The following KAZN variants were observed in gnomAD, a reference collection of about 807,000 sequenced individuals.
KAZN encodes kazrin, periplakin interacting protein.
KAZN carries 40 observed loss-of-function variants against 87.4 expected under a neutral mutation model. That is an observed-to-expected ratio of 0.46 (90% CI 0.36 to 0.60). KAZN has a LOEUF of 0.60. Among genes scored for constraint, KAZN ranks in the 20% least tolerant of loss-of-function variants. KAZN has a pLI of 0.00. For missense variants in KAZN, 898 were observed against 1,073.9 expected (o/e 0.84, Z 2.29); for synonymous variants, 466 against 458.3 (o/e 1.02, Z -0.22).
chr1:15,043,833 C>T (rs916838271), intron 3 of KAZN, among the ~76,000 whole-genome samples, 156 bp from the exon 4 acceptor site: 1 of 151,776 alleles, frequency 6.6e-6, no homozygotes, highest in East Asian at 1.9e-4. Context: ...TTAGTAGAGA[C>T]GGGGTTTCAC....
chr1:14,859,646 G>A (rs567964560), intron 1 of KAZN, among the ~76,000 whole-genome samples: 3 of 152,098 alleles, frequency 2.0e-5, no homozygotes, highest in Non-Finnish European at 4.4e-5. Context: ...GGTATTTTAA[G>A]GCCATCAGGA....
chr1:14,051,041 C>T (rs997306600), intron 1 of KAZN, among the ~76,000 whole-genome samples: 1 of 152,034 alleles, frequency 6.6e-6, no homozygotes, highest in Admixed American at 6.5e-5. Context: ...GAGGCTTCAG[C>T]AAAACTGAAC....
intron 1 of KAZN, among the ~76,000 whole-genome samples, chr1:14,760,297 C>G (rs950384870): frequency 2.6e-5 from 4 of 152,192 alleles, no homozygotes; most frequent in African/African-American, 9.7e-5. Flanking sequence ...ACTGGTGCTC[C>G]TTGCCAATGT....
chr1:14,572,546 G>A (rs564320522), intron 2 of KAZN, among the ~76,000 whole-genome samples: 6 of 152,338 alleles, frequency 3.9e-5, no homozygotes, highest in Non-Finnish European at 7.3e-5. Flanking sequence ...TCAGGCCTGG[G>A]AAGCAAGAGT....
Position 14,598,695 on chromosome 1 carries a change from C to T in KAZN, c.-303C>T. 1.5e-6 allele frequency: 2 copies of T among 1,308,290 alleles called. No homozygotes were observed. Among genetic ancestry groups the T allele is most frequent in the Non-Finnish European group, 9.7e-7 (1 of 1,036,172 alleles). 81.0% of individuals were successfully genotyped at this position (1,308,290 alleles called of 1,614,324 possible). On this transcript the variant is annotated 5_prime_UTR_variant, in exon 1 of 15. Coordinates refer to ENST00000376030, the MANE Select transcript of KAZN (RefSeq NM_201628.3). This position sits in a 1 kb window ranked among gnomAD's most constrained non-coding sequence, Gnocchi z 4.2. Reference sequence around the variant, plus strand: ...GTGGCGCGCGGTGTCCTTCTTGGAGCAGCTCTCGGCGCCCGCCCGCCGGGG... The same window carrying T: ...GTGGCGCGCGGTGTCCTTCTTGGAGTAGCTCTCGGCGCCCGCCCGCCGGGG...
rs140795040 is a variant in KAZN, at chr1:14,752,403, T to C, written c.226+153180T>C. Among the ~76,000 whole-genome samples the C allele has an allele frequency of 4.1e-3, 631 of 152,280 alleles. 5 individuals are homozygous for C. Among genetic ancestry groups the C allele is most frequent in the African/African-American group, 0.015 (606 of 41,564 alleles). On this transcript the variant is annotated intron_variant, in intron 1 of 14. Transcript: ENST00000376030. ...CTTGTCTAAGTGAAGGGCAGAGCTG[T>C]CTTCATCCATTTGTGCTACAAAACA...
At chr1:14,235,363 T>G (rs1313881874) in intron 2 of KAZN, among the ~76,000 whole-genome samples, 1 of 152,214 alleles carries the variant, frequency 6.6e-6, no homozygotes, top group Non-Finnish European at 1.5e-5. Flanking sequence ...GCAAGTCATA[T>G]AAAGCCACGT....
At chr1:14,559,227 T>A (rs1403751593) in intron 2 of KAZN, among the ~76,000 whole-genome samples, 2 of 152,172 alleles carry the variant, frequency 1.3e-5, no homozygotes, top group African/African-American at 2.4e-5. Context: ...GCTCTTCTAG[T>A]GCTGGAAGAA....
At chr1:14,825,549 A>T (rs921469176) in intron 1 of KAZN, among the ~76,000 whole-genome samples, 2 of 152,150 alleles carry the variant, frequency 1.3e-5, no homozygotes, top group Admixed American at 6.5e-5. Flanking sequence ...ACAAAACTCC[A>T]ATGAGCCAGC....
In KAZN at chr1:14,598,778, C is replaced by T. The variant is rs954719443; in HGVS notation, c.-220C>T. 1.5e-6 allele frequency: 2 copies of T among 1,350,656 alleles called. No individual in the cohort carries two copies. Among genetic ancestry groups the T allele is most frequent in the South Asian group, 2.0e-5 (1 of 49,208 alleles). 83.7% of individuals were successfully genotyped at this position (1,350,656 alleles called of 1,614,324 possible). The stretch of plus-strand genomic sequence containing the variant: ...CCTCCTCTTTTTTCTCCTCCGCCTC[C>T]TCCCCCCGCCGCCTCGCCACCGCCG... On this transcript the variant is annotated 5_prime_UTR_variant, in exon 1 of 15. Coordinates refer to ENST00000376030, the MANE Select transcript of KAZN (RefSeq NM_201628.3). The surrounding 1 kb of genome is among the most constrained non-coding windows in gnomAD (Gnocchi z 4.2).
intron 1 of KAZN, among the ~76,000 whole-genome samples, chr1:14,704,044 A>C (rs1187410117): frequency 2.0e-5 from 3 of 152,214 alleles, no homozygotes; most frequent in Non-Finnish European, 4.4e-5. Flanking sequence ...CAGCTCTTGG[A>C]GGAGCAAGAA....
At chr1:14,941,065 G>A (rs542169362) in intron 1 of KAZN, among the ~76,000 whole-genome samples, 11 of 151,950 alleles carry the variant, frequency 7.2e-5, no homozygotes, top group African/African-American at 2.2e-4. Flanking sequence ...ACAGGCGAGC[G>A]CCGCCACACC....
At chr1:14,337,880 C>T (rs1346365881) in intron 2 of KAZN, among the ~76,000 whole-genome samples, 3 of 121,880 alleles carry the variant, frequency 2.5e-5, no homozygotes, top group African/African-American at 9.9e-5. Context: ...GGTGACAGAG[C>T]AAGACTCTGT....
intron 1 of KAZN, among the ~76,000 whole-genome samples, chr1:13,919,098 A>G (rs529650582): frequency 9.9e-5 from 15 of 152,250 alleles, no homozygotes; most frequent in Non-Finnish European, 1.9e-4. Context: ...TCAGAAGTGT[A>G]CTATGGCTCA....
chr1:14,231,394 CA>C (rs976882236), intron 2 of KAZN, among the ~76,000 whole-genome samples: 3 of 20,212 alleles, frequency 1.5e-4, no homozygotes, highest in Admixed American at 7.0e-4. Flanking sequence ...GGCTCTATCT[CA>C]TTTTTTTTTT....
chr1:14,306,143 G>A (rs746995717), intron 2 of KAZN, among the ~76,000 whole-genome samples: 6 of 152,158 alleles, frequency 3.9e-5, no homozygotes, highest in South Asian at 2.1e-4. Context: ...ATGTGTTGTC[G>A]CATTTTTTGG....
chr1:14,560,098 T>G (rs1261125424), intron 2 of KAZN, among the ~76,000 whole-genome samples: 1 of 152,228 alleles, frequency 6.6e-6, no homozygotes, highest in African/African-American at 2.4e-5. Context: ...AGACATCTTT[T>G]GTTTTAACAT....
rs7525864 is a variant in KAZN, at chr1:14,856,820, G to A, written c.227-103864G>A. ...GTTGCAGAGAGTTTGCAATTCAATC[G>A]GAACTCAGACTTTTTTCCTCTGTTG... On this transcript the variant is annotated intron_variant, in intron 1 of 14. Transcript: ENST00000376030. This position sits in a 1 kb window ranked among gnomAD's most constrained non-coding sequence, Gnocchi z 5.2. Among the ~76,000 whole-genome samples, 25 of 152,160 alleles carry A rather than the reference G, an allele frequency of 1.6e-4. No homozygotes were observed. Among genetic ancestry groups the A allele is most frequent in the Admixed American group, 4.6e-4 (7 of 15,276 alleles).
intron 1 of KAZN, among the ~76,000 whole-genome samples, chr1:14,750,172 T>TG (rs1265664241): frequency 6.6e-6 from 1 of 152,174 alleles, no homozygotes; most frequent in Non-Finnish European, 1.5e-5. Flanking sequence ...GGCAACTTCA[T>TG]GTGAACATAT....
Sources: allele counts gnomAD v4.1 joint callset (sites outside exome capture counted in the v4.1 genomes callset), GRCh38; gene constraint gnomAD v4.1.1; non-coding constraint Gnocchi (gnomAD v3.1); transcripts MANE v1.5; gene names NCBI Gene and HGNC (gene_info 2026-07-23, HGNC 2026-07-21).